GLIS3: variants seen among roughly 807,000 people sequenced by gnomAD.
GLIS3 encodes zinc finger protein GLIS3.
GLIS3 carries 53 observed loss-of-function variants against 78.6 expected under a neutral mutation model. The ratio of observed to expected loss-of-function variants is 0.67; its 90% CI spans 0.54 to 0.85. GLIS3 has a LOEUF of 0.85. Ranked by LOEUF, GLIS3 falls within the 40% of genes least tolerant of loss-of-function variation. The pLI, the probability that GLIS3 is intolerant of heterozygous loss-of-function variation, is 0.00. For synonymous variants in GLIS3, 684 were observed against 509.9 expected, an observed-to-expected ratio of 1.34 and a Z score of -4.60; for missense variants, 1,703 against 1,231.1, an observed-to-expected ratio of 1.38 and a Z score of -5.74.
chr9:4,110,583 G>A (rs1831128490), intron 4 of GLIS3, among the ~76,000 whole-genome samples: 1 of 152,046 alleles, frequency 6.6e-6, no homozygotes, highest in Non-Finnish European at 1.5e-5. Context: ...CCTCCTATAT[G>A]AGCGATGACA....
chr9:4,219,054 G>A (rs936651531), intron 2 of GLIS3, among the ~76,000 whole-genome samples: 2 of 152,218 alleles, frequency 1.3e-5, no homozygotes, highest in African/African-American at 4.8e-5. Flanking sequence ...ATGAATAAAT[G>A]AATTTAGAAC....
chr9:4,462,430 C>A, the GLIS3 span, among the ~76,000 whole-genome samples: 1 of 152,070 alleles, frequency 6.6e-6, no homozygotes, highest in Non-Finnish European at 1.5e-5. Context: ...AAACTGCATT[C>A]TAGGATTCTA....
In GLIS3 at chr9:4,066,108, G is replaced by A. The variant is rs184655225; in HGVS notation, c.1710+51660C>T. 2.1e-4 allele frequency among the ~76,000 whole-genome samples: 31 copies of A among 150,140 alleles called. No homozygotes were observed. In the East Asian group the frequency reaches 5.7e-3, roughly 27 times the overall value. ...GAATTTTAAGAAAAAAAAATCACAT[G>A]TCAAGCCATTTCTATTTAATGCCTA... On this transcript the variant is annotated intron_variant, in intron 4 of 10. Transcript: ENST00000381971.
chr9:4,478,504 C>A, the GLIS3 span, among the ~76,000 whole-genome samples: 1 of 151,632 alleles, frequency 6.6e-6, no homozygotes, highest in Non-Finnish European at 1.5e-5. Flanking sequence ...CCAGCTACTC[C>A]GGAGGCTGAG....
intron 9 of GLIS3, among the ~76,000 whole-genome samples, chr9:3,849,523 A>G (rs1478464070): frequency 2.6e-5 from 4 of 152,178 alleles, no homozygotes; most frequent in South Asian, 2.1e-4. Context: ...CCTGTTAACA[A>G]TGACAAAGCA....
the GLIS3 span, among the ~76,000 whole-genome samples, chr9:4,353,688 G>A: frequency 2.0e-5 from 3 of 152,202 alleles, no homozygotes; most frequent in Admixed American, 2.0e-4. Flanking sequence ...GATAGAGCCA[G>A]ATCCCTCCCC....
At chr9:4,328,221 G>A (rs1358222452) in intron 2 of GLIS3, among the ~76,000 whole-genome samples, 3 of 152,168 alleles carry the variant, frequency 2.0e-5, no homozygotes, top group Non-Finnish European at 4.4e-5. Context: ...GCTTCAGAGG[G>A]CAGGAACAAG....
intron 4 of GLIS3, among the ~76,000 whole-genome samples, chr9:4,019,813 A>C (rs1822730805): frequency 6.6e-6 from 1 of 152,116 alleles, no homozygotes; most frequent in African/African-American, 2.4e-5. Flanking sequence ...GCTCACTGTA[A>C]CCTCGAAATC....
At chr9:4,484,328 C>T in the GLIS3 span, among the ~76,000 whole-genome samples, 488 of 150,806 alleles carry the variant, frequency 3.2e-3, 1 homozygote, top group African/African-American at 0.012. Context: ...ACCTCTGCCT[C>T]CCAAGTTCAA....
the GLIS3 span, among the ~76,000 whole-genome samples, chr9:4,430,366 T>TA: frequency 0.093 from 14,098 of 152,222 alleles, 2,155 homozygotes; most frequent in African/African-American, 0.32. Context: ...ACACATAACA[T>TA]ATCTGCAGGA....
chr9:3,950,784 T>G (rs1325589912), intron 4 of GLIS3, among the ~76,000 whole-genome samples: 1 of 152,244 alleles, frequency 6.6e-6, no homozygotes, highest in African/African-American at 2.4e-5. Flanking sequence ...AATGCAGATG[T>G]GTTGAATAAC....
upstream of GLIS3, among the ~76,000 whole-genome samples, chr9:4,350,716 G>A (rs1432557879): frequency 6.6e-6 from 1 of 152,198 alleles, no homozygotes; most frequent in Non-Finnish European, 1.5e-5. Flanking sequence ...GACCAAGGAA[G>A]AGTTGGGATT....
At chr9:4,393,617 T>C in the GLIS3 span, among the ~76,000 whole-genome samples, 2 of 152,332 alleles carry the variant, frequency 1.3e-5, no homozygotes, top group African/African-American at 4.8e-5. Flanking sequence ...GACCTTGATA[T>C]TTATGAAAAT....
chr9:4,238,972 A>G (rs139918034), intron 2 of GLIS3, among the ~76,000 whole-genome samples: 55 of 152,112 alleles, frequency 3.6e-4, no homozygotes, highest in African/African-American at 1.3e-3. Context: ...TTTGCTGAGA[A>G]TGATGGTTTC....
At chr9:4,044,884 G>C (rs1825122361) in intron 4 of GLIS3, among the ~76,000 whole-genome samples, 1 of 152,040 alleles carries the variant, frequency 6.6e-6, no homozygotes, top group Admixed American at 6.5e-5. Context: ...AATAGAATGA[G>C]TAAGAAACAG....
intron 2 of GLIS3, among the ~76,000 whole-genome samples, chr9:4,334,074 G>T (rs769041670): frequency 6.6e-6 from 1 of 152,152 alleles, no homozygotes; most frequent in Admixed American, 6.5e-5. Context: ...AATTCAGAGG[G>T]CTTGAATTTG....
intron 4 of GLIS3, among the ~76,000 whole-genome samples, chr9:4,031,710 C>T (rs918121374): frequency 6.6e-6 from 1 of 152,034 alleles, no homozygotes; most frequent in Non-Finnish European, 1.5e-5. Context: ...AAAGACACTG[C>T]TCATAGGTAC....
chr9:4,279,308 A>AT (rs1201775223), intron 2 of GLIS3, among the ~76,000 whole-genome samples: 11 of 82,854 alleles, frequency 1.3e-4, no homozygotes, highest in African/African-American at 7.2e-4. Context: ...AAAAAAAAAA[A>AT]AAAAAAATAT....
At chr9:4,348,934 A>AT (rs925988677), upstream of GLIS3, among the ~76,000 whole-genome samples, 8 of 152,262 alleles carry the variant, frequency 5.3e-5, no homozygotes, top group East Asian at 1.9e-4. Context: ...ATAGTTTTTC[A>AT]TTTTTTCCAT....
Sources: gnomAD v4.1 joint callset for allele counts (sites outside exome capture counted in the v4.1 genomes callset) on GRCh38, gnomAD v4.1.1 for gene constraint, MANE v1.5 for transcripts, NCBI Gene and HGNC (gene_info 2026-07-23, HGNC 2026-07-21) for gene names.